Variants in SEC14L2 observed in about 807,000 individuals in gnomAD.
The protein encoded by SEC14L2 is SEC14-like protein 2.
In SEC14L2, 50 loss-of-function variants were observed where a neutral mutation model predicts 56.9. That is an observed-to-expected ratio of 0.88 (90% confidence interval 0.70 to 1.11). The LOEUF is 1.11. SEC14L2 is among the 50% of genes most tolerant of loss of function. The pLI is 0.00. For missense variants in SEC14L2, 414 were observed against 500.7 expected (o/e 0.83, Z 1.65); for synonymous variants, 179 against 188.5 (o/e 0.95, Z 0.41).
chr22:30,406,565 A>T (rs1934099430), intron 3 of SEC14L2, among the ~76,000 whole-genome samples, 180 bp downstream of exon 3: 1 of 152,126 alleles, frequency 6.6e-6, no homozygotes, highest in Non-Finnish European at 1.5e-5. Context: ...AGGCTTTCAT[A>T]GCTCTGGGCC....
chr22:30,422,127 CAGA>C, intron 11 of SEC14L2, 147 bp from the exon 12 acceptor site: 1 of 943,928 alleles, frequency 1.1e-6, no homozygotes. Context: ...GATTAAGTTT[CAGA>C]AGGTCAAGGA....
intron 8 of SEC14L2, 75 bp downstream of exon 8, chr22:30,410,754 C>A: frequency 7.2e-7 from 1 of 1,384,746 alleles, no homozygotes. Context: ...AGGGGTGTGG[C>A]CGTAGCCACC....
At chr22:30,399,846 C>A in intron 2 of SEC14L2, 128 bp downstream of exon 2, 1 of 691,404 alleles carries the variant, frequency 1.4e-6, no homozygotes, top group Non-Finnish European at 2.3e-6. Context: ...GCCAAAGGGC[C>A]CTTGGCAATG....
At chr22:30,415,386 TTG>T (rs1448687096) in intron 8 of SEC14L2, among the ~76,000 whole-genome samples, 1 of 152,166 alleles carries the variant, frequency 6.6e-6, no homozygotes, top group Non-Finnish European at 1.5e-5. Flanking sequence ...TGATCCAAGA[TTG>T]CGCCACTGTA....
rs771498670 is a variant in SEC14L2, at chr22:30,407,571, C to A, written c.391C>A (p.Leu131Ile). ...GACCAAGATGCGGGAGTGTGAGCTG[C>A]TTCTGCAAGAGTGTGCCCACCAGAC... is the stretch of plus-strand genomic sequence containing the variant. ...LRTKMRECEL[L>I]LQECAHQTTK... is the part of the protein sequence containing the mutation. Residue 131 changes from leucine to isoleucine, a missense_variant, in exon 5 of 12, where the codon CTT becomes ATT. By Grantham distance (5) the Leu-to-Ile change is conservative (BLOSUM62 2). Coordinates refer to ENST00000615189, the MANE Select transcript of SEC14L2 (RefSeq NM_012429.5). 1 of 1,614,008 alleles carries A rather than the reference C, an allele frequency of 6.2e-7. No individual in the cohort carries two copies. Among genetic ancestry groups the A allele is most frequent in the Admixed American group, 1.7e-5 (1 of 59,996 alleles).
intron 11 of SEC14L2, among the ~76,000 whole-genome samples, chr22:30,417,304 G>C (rs1023226839): frequency 1.4e-4 from 21 of 152,188 alleles, no homozygotes; most frequent in African/African-American, 4.1e-4. Context: ...GTTTATGGAG[G>C]GCTTTCATTT....
rs1351683612 is a variant in SEC14L2, at chr22:30,397,179, T to C, written c.54+9T>C. 2.6e-6 allele frequency: 4 copies of C among 1,532,034 alleles called. No homozygotes were observed. Among genetic ancestry groups the C allele is most frequent in the African/African-American group, 2.8e-5 (2 of 71,762 alleles). The allele number at this position is 1,532,034 out of a possible 1,614,324, so 94.9% of individuals were successfully genotyped here. A position where few individuals can be genotyped will look rare whatever the true frequency, so the allele number is the denominator to read the frequency against. On this transcript the variant is annotated intron_variant, in intron 1 of 11. Coordinates refer to ENST00000615189, the MANE Select transcript of SEC14L2 (RefSeq NM_012429.5). The stretch of plus-strand genomic sequence containing the variant: ...AGGAGGCATTGGCCAAGGTGAGCTG[T>C]AGCCCTGGCCCGGGCTCCCGCCTCG...
intron 1 of SEC14L2, among the ~76,000 whole-genome samples, chr22:30,399,069 G>T (rs1053775834): frequency 6.6e-6 from 1 of 152,136 alleles, no homozygotes; most frequent in Non-Finnish European, 1.5e-5. Context: ...CTGCCTGCCC[G>T]CAGACTGGTG....
chr22:30,411,566 T>A (rs532899083), intron 8 of SEC14L2, among the ~76,000 whole-genome samples: 1,982 of 151,772 alleles, frequency 0.013, 32 homozygotes, highest in African/African-American at 0.045. Flanking sequence ...GCCAACATGG[T>A]GAAACCCCAT....
chr22:30,397,897 G>A (rs371380887), intron 1 of SEC14L2: 7 of 470,968 alleles, frequency 1.5e-5, no homozygotes, highest in African/African-American at 6.0e-5. Context: ...CTTGGCATCT[G>A]TGACAAGGAG....
intron 1 of SEC14L2, among the ~76,000 whole-genome samples, chr22:30,399,289 G>A (rs551520594): frequency 7.2e-5 from 11 of 152,044 alleles, no homozygotes; most frequent in Middle Eastern, 3.2e-3. Context: ...CGAGATGGGC[G>A]GATCAGGACG....
chr22:30,415,931 C>T lies in SEC14L2; in HGVS notation c.772-17C>T. The T allele has an allele frequency of 6.2e-7, 1 of 1,614,138 alleles. No homozygotes were observed. ...GCTCAAATGCACATTCCAGTTCACTCCATGCCATGCTTCTAGATCAACTAC... is the reference window on the plus strand; with the variant it reads ...GCTCAAATGCACATTCCAGTTCACTTCATGCCATGCTTCTAGATCAACTAC... On this transcript the variant is annotated splice_polypyrimidine_tract_variant and intron_variant, in intron 9 of 11. Coordinates refer to ENST00000615189, the MANE Select transcript of SEC14L2 (RefSeq NM_012429.5).
At chr22:30,419,720 T>C (rs1220262883) in intron 11 of SEC14L2, among the ~76,000 whole-genome samples, 1 of 152,226 alleles carries the variant, frequency 6.6e-6, no homozygotes, top group African/African-American at 2.4e-5. Flanking sequence ...ATTCTGAATA[T>C]TATATCCCAA....
chr22:30,409,990 G>A (rs1934205823), intron 7 of SEC14L2, among the ~76,000 whole-genome samples: 1 of 152,192 alleles, frequency 6.6e-6, no homozygotes, highest in Admixed American at 6.5e-5. Flanking sequence ...TTGAGGCCAG[G>A]AGTTCAAGAC....
chr22:30,410,713 A>T, intron 8 of SEC14L2, 34 bp downstream of exon 8: 1 of 1,590,926 alleles, frequency 6.3e-7, no homozygotes. Context: ...ACTCCAAAGG[A>T]GGGTCTGTAG....
At chr22:30,404,779 A>T (rs1417504926) in intron 2 of SEC14L2, among the ~76,000 whole-genome samples, 1 of 152,112 alleles carries the variant, frequency 6.6e-6, no homozygotes, top group Non-Finnish European at 1.5e-5. Flanking sequence ...GTTGCCAAGA[A>T]AGTTCTTAGG....
intron 11 of SEC14L2, chr22:30,416,750 C>G (rs1862508859): frequency 3.8e-6 from 5 of 1,308,306 alleles, no homozygotes; most frequent in Non-Finnish European, 3.9e-6. Context: ...CCAGAGGTCA[C>G]AGAGACAGAA....
At chr22:30,397,470 A>G (rs1016397942) in intron 1 of SEC14L2, 4 of 426,328 alleles carry the variant, frequency 9.4e-6, no homozygotes, top group Non-Finnish European at 1.7e-5. Flanking sequence ...CAAAGGCAAC[A>G]TTCATCCTCG....
rs1490694319 is a variant in SEC14L2 at position 30,423,530 on chromosome 22, G to C, written c.*1123G>C. 6.6e-6 allele frequency: 1 copy of C among 152,340 alleles called. No individual in the cohort carries two copies. The highest frequency in any genetic ancestry group is 1.5e-5 in the Non-Finnish European group (1 of 68,100). 9.4% of individuals were successfully genotyped at this position (152,340 alleles called of 1,614,324 possible). On this transcript the variant is annotated 3_prime_UTR_variant, in exon 12 of 12. Coordinates refer to ENST00000615189, the MANE Select transcript of SEC14L2 (RefSeq NM_012429.5). The stretch of plus-strand genomic sequence containing the variant: ...CTAGGGGCTGGGGGCGGCCACAGAC[G>C]GCCTCGAAACCACAGCCCTTACCCC...
Sources: allele counts gnomAD v4.1 joint callset (sites outside exome capture counted in the v4.1 genomes callset), GRCh38; gene constraint gnomAD v4.1.1; transcripts MANE v1.5; gene names NCBI Gene and HGNC (gene_info 2026-07-23, HGNC 2026-07-21).